SH2D3C: variants seen among roughly 807,000 people sequenced by gnomAD.
The protein encoded by SH2D3C is SH2 domain containing 3C, also known as SH2 domain-containing protein 3C.
A neutral mutation model predicts 75.2 loss-of-function variants in SH2D3C; 25 were observed. The observed-to-expected ratio is 0.33, with a 90% confidence interval of 0.24 to 0.46. The LOEUF is 0.46. Ranked by LOEUF, SH2D3C falls within the 20% of genes least tolerant of loss-of-function variation. The pLI, the probability that SH2D3C is intolerant of heterozygous loss-of-function variation, is 1.00. For synonymous variants in SH2D3C, 450 were observed against 473.7 expected, an observed-to-expected ratio of 0.95 and a Z score of 0.65; for missense variants, 933 against 1,165.3, an observed-to-expected ratio of 0.80 and a Z score of 2.90.
intron 2 of SH2D3C, among the ~76,000 whole-genome samples, chr9:127,766,430 T>C (rs1376340061): frequency 6.6e-6 from 1 of 152,246 alleles, no homozygotes; most frequent in East Asian, 1.9e-4. Context: ...GAGGACCACA[T>C]GAGAAGGAGG....
At chr9:127,762,959 C>T (rs1845564931) in intron 2 of SH2D3C, among the ~76,000 whole-genome samples, 1 of 152,254 alleles carries the variant, frequency 6.6e-6, no homozygotes, top group Non-Finnish European at 1.5e-5. Flanking sequence ...CTCCAACCCA[C>T]AAGGCCCTGT....
chr9:127,761,664 A>G lies in SH2D3C; in HGVS notation c.516-14T>C. ...TCTCCAGCAGCCCTGGAAGGAGAAAAGACAAGTGAGCATCCCCAGCCCTGC... is the reference window on the plus strand; with the variant it reads ...TCTCCAGCAGCCCTGGAAGGAGAAAGGACAAGTGAGCATCCCCAGCCCTGC... On this transcript the variant is annotated splice_polypyrimidine_tract_variant and intron_variant, in intron 2 of 11. Coordinates refer to ENST00000314830, the MANE Select transcript of SH2D3C (RefSeq NM_170600.3). The G allele has an allele frequency of 6.2e-7, 1 of 1,609,406 alleles. No homozygotes were observed. Among genetic ancestry groups the G allele is most frequent in the Non-Finnish European group, 8.5e-7 (1 of 1,177,574 alleles).
At chr9:127,750,155 A>ATTG (rs1411332505) in intron 4 of SH2D3C, among the ~76,000 whole-genome samples, 2 of 142,528 alleles carry the variant, frequency 1.4e-5, no homozygotes, top group East Asian at 2.0e-4. Flanking sequence ...TATTATTATT[A>ATTG]TTGTTATTAT....
intron 2 of SH2D3C, among the ~76,000 whole-genome samples, chr9:127,762,915 G>A (rs1317456763): frequency 6.6e-6 from 1 of 152,190 alleles, no homozygotes; most frequent in Admixed American, 6.5e-5. Flanking sequence ...CCATGATTAT[G>A]CCAGAAAAAC....
At chr9:127,761,119 G>A (rs1458361975) in intron 3 of SH2D3C, among the ~76,000 whole-genome samples, 1 of 152,198 alleles carries the variant, frequency 6.6e-6, no homozygotes, top group Non-Finnish European at 1.5e-5. Context: ...GGGATTACAA[G>A]CATGAGCCAC....
chr9:127,739,829 C>A lies in SH2D3C; in HGVS notation c.2260G>T (p.Glu754Ter). 6.3e-7 allele frequency: 1 copy of A among 1,581,082 alleles called. No homozygotes were observed. ...CCCTCTGGTGGGGCCGAGTCACACTCCAGCAGGGTGATGAGGGGCAGCACA... is the reference window on the plus strand; with the variant it reads ...CCCTCTGGTGGGGCCGAGTCACACTACAGCAGGGTGATGAGGGGCAGCACA... ...PHVLPLITLLECDSAPPEGPE... is the reference protein window; with the variant it reads ...PHVLPLITLL Residue 754 changes from glutamate (E) to a stop codon, truncating the protein, a stop_gained, in exon 11 of 12, where the codon GAG becomes TAG. Coordinates refer to ENST00000314830, the MANE Select transcript of SH2D3C (RefSeq NM_170600.3). LOFTEE classifies it high-confidence loss of function. The surrounding 1 kb of genome is among the most constrained non-coding windows in gnomAD (Gnocchi z 4.3).
Position 127,771,307 on chromosome 9 carries a change from T to G in SH2D3C, c.515+2683A>C, listed in dbSNP as rs547216176. Reference sequence around the variant, plus strand: ...TCCTGCCTTTCTCGGGCCACTGAGCTGCAGAGCTCAGTGCCGGACTCCGGG... The same window carrying G: ...TCCTGCCTTTCTCGGGCCACTGAGCGGCAGAGCTCAGTGCCGGACTCCGGG... On this transcript the variant is annotated intron_variant, in intron 2 of 11. Coordinates refer to ENST00000314830, the MANE Select transcript of SH2D3C (RefSeq NM_170600.3). 104 of 1,479,692 alleles carry G rather than the reference T, an allele frequency of 7.0e-5. No individual in the cohort carries two copies. In the African/African-American group the frequency reaches 1.1e-3, roughly 16 times the overall value. 91.7% of individuals were successfully genotyped at this position (1,479,692 alleles called of 1,614,324 possible).
chr9:127,752,298 C>T (rs1001586987), intron 3 of SH2D3C, among the ~76,000 whole-genome samples: 6 of 152,142 alleles, frequency 3.9e-5, no homozygotes, highest in Non-Finnish European at 8.8e-5. Flanking sequence ...ACAGAACCTG[C>T]CTCACCTCAC....
intron 7 of SH2D3C, 95 bp downstream of exon 7, chr9:127,744,469 C>A: frequency 6.9e-7 from 1 of 1,453,090 alleles, no homozygotes; most frequent in African/African-American, 1.4e-5. Flanking sequence ...CCAGGCCCAC[C>A]TGCTGTACTT....
intron 2 of SH2D3C, chr9:127,771,152 G>T (rs1193944319): frequency 2.0e-6 from 3 of 1,494,144 alleles, no homozygotes; most frequent in Non-Finnish European, 1.8e-6. Flanking sequence ...CCTGCTCCCC[G>T]CTGGCCCTCC....
intron 3 of SH2D3C, among the ~76,000 whole-genome samples, chr9:127,753,391 A>C (rs59887372): frequency 0.034 from 5,193 of 152,142 alleles, 290 homozygotes; most frequent in African/African-American, 0.11. Flanking sequence ...CTGGGGCAGG[A>C]GCAGCTTGGT....
chr9:127,756,845 C>T (rs939758037), intron 3 of SH2D3C, among the ~76,000 whole-genome samples: 2 of 151,604 alleles, frequency 1.3e-5, no homozygotes, highest in Admixed American at 6.6e-5. Flanking sequence ...AGGGTTTCAC[C>T]GTGGTCTCGA....
rs759824989 is a variant in SH2D3C, at chr9:127,744,838, G to A, written c.1526C>T (p.Ala509Val). The change falls in exon 7 of 12, where the codon GCA becomes GTA. Residue 509 changes from alanine (A) to valine (V), a missense_variant. Physicochemically the swap from Ala to Val is moderately conservative, Grantham distance 64 (BLOSUM62 0). Transcript: ENST00000314830. ...CTGCTGGCTGGAGGTCTCAGTCGCT[G>A]CCCACTCTCGGCTGCCACGCACGGG... The part of the protein sequence containing the change: ...QPPVRGSREW[A>V]ATETSSQQAR... 1.4e-5 allele frequency: 23 copies of A among 1,614,048 alleles called. No homozygotes were observed. The highest frequency in any genetic ancestry group is 1.6e-5 in the Non-Finnish European group (19 of 1,180,030).
chr9:127,742,951 A>G lies in SH2D3C; in HGVS notation c.1814T>C (p.Leu605Pro), dbSNP rs1485564826. ...TKVDCLVARI[L>P]GVTKEMQTLM... is the part of the protein sequence containing the mutation. ...GGTCTGCATCTCCTTGGTAACGCCC[A>G]GTATCCTAGCAACCTGCAAAGACGC... Residue 605 changes from leucine (L) to proline (P), a missense_variant, in exon 8 of 12, where the codon CTG (leucine) becomes CCG (proline). Leu to Pro is a moderately conservative substitution (Grantham distance 98, BLOSUM62 -3). Transcript: ENST00000314830. 1.2e-6 allele frequency: 2 copies of G among 1,613,384 alleles called. No homozygotes were observed. Among genetic ancestry groups the G allele is most frequent in the Non-Finnish European group, 1.7e-6 (2 of 1,179,594 alleles).
rs1564414827 is a variant in SH2D3C at position 127,749,476 on chromosome 9, G to A, written c.874C>T (p.His292Tyr). 1 of 1,614,180 alleles carries A rather than the reference G, an allele frequency of 6.2e-7. No individual in the cohort carries two copies. Among genetic ancestry groups the A allele is most frequent in the African/African-American group, 1.3e-5 (1 of 75,054 alleles). ...QYLFEQESFD[H>Y]VPALVRYHVG... Reference sequence around the variant, plus strand: ...TGATAGCGCACGAGGGCGGGCACGTGGTCAAAGCTCTCCTGCTCAAACAGG... The same window carrying A: ...TGATAGCGCACGAGGGCGGGCACGTAGTCAAAGCTCTCCTGCTCAAACAGG... Residue 292 changes from histidine to tyrosine, a missense_variant, in exon 5 of 12, where the codon CAC becomes TAC. By Grantham distance (83) the His-to-Tyr change is moderately conservative. Coordinates refer to ENST00000314830, the MANE Select transcript of SH2D3C (RefSeq NM_170600.3). The surrounding 1 kb of genome is among the most constrained non-coding windows in gnomAD (Gnocchi z 5.9).
Position 127,774,254 on chromosome 9 carries a change from C to T in SH2D3C, c.251G>A (p.Ser84Asn). The T allele has an allele frequency of 6.2e-7, 1 of 1,614,036 alleles. No individual in the cohort carries two copies. Among genetic ancestry groups the T allele is most frequent in the Non-Finnish European group, 8.5e-7 (1 of 1,179,974 alleles). ...YSHMGTMPRP[S>N]IKKAQNSQAA... ...CTGTGAGTTCTGTGCTTTCTTGATG[C>T]TGGGGCGAGGCATGGTGCCCATGTG... The change falls in exon 2 of 12, where the codon AGC (serine) becomes AAC (asparagine). Residue 84 changes from serine (S) to asparagine (N), a missense_variant. By Grantham distance (46) the Ser-to-Asn change is conservative (BLOSUM62 1). Coordinates refer to ENST00000314830, the MANE Select transcript of SH2D3C (RefSeq NM_170600.3). The surrounding 1 kb of genome is among the most constrained non-coding windows in gnomAD (Gnocchi z 4.3).
intron 1 of SH2D3C, among the ~76,000 whole-genome samples, chr9:127,777,076 G>A (rs1335633352): frequency 6.6e-6 from 1 of 152,180 alleles, no homozygotes; most frequent in Non-Finnish European, 1.5e-5. Context: ...TCAATAGCCC[G>A]TGTGACCTCA....
Position 127,739,645 on chromosome 9 carries a change from G to A in SH2D3C, c.2407+37C>T, listed in dbSNP as rs1337553691. On this transcript the variant is annotated intron_variant, in intron 11 of 11. Transcript: ENST00000314830. The surrounding 1 kb of genome is among the most constrained non-coding windows in gnomAD (Gnocchi z 4.3). ...AGTGAGGCAGGTGGAGGGAGGCCCA[G>A]GCCTGCAAGCCCCCCAAGATGCCAC... is the stretch of plus-strand genomic sequence containing the variant. 6.4e-7 allele frequency: 1 copy of A among 1,567,170 alleles called. No individual in the cohort carries two copies. The highest frequency in any genetic ancestry group is 2.3e-5 in the East Asian group (1 of 43,902).
In SH2D3C at chr9:127,744,687, C is replaced by A. The variant is rs773440667; in HGVS notation, c.1677G>T (p.Gln559His). 6.2e-7 allele frequency: 1 copy of A among 1,614,236 alleles called. No homozygotes were observed. The highest frequency in any genetic ancestry group is 1.3e-5 in the African/African-American group (1 of 75,070). Residue 559 changes from glutamine (Q) to histidine (H), a missense_variant, in exon 7 of 12, where the codon CAG (glutamine) becomes CAT (histidine). By Grantham distance (24) the Gln-to-His change is conservative. Transcript: ENST00000314830. Reference protein sequence around the residue: ...VTSSFNPATFQSLLIPRDNRP... With the variant: ...VTSSFNPATFHSLLIPRDNRP... ...GGTTATCCCTGGGGATCAGTAGTGA[C>A]TGGAAGGTGGCCGGGTTGAAGGAAG...
Sources: gnomAD v4.1 joint callset for allele counts (sites outside exome capture counted in the v4.1 genomes callset) on GRCh38, gnomAD v4.1.1 for gene constraint, Gnocchi (gnomAD v3.1) non-coding constraint, MANE v1.5 for transcripts, NCBI Gene and HGNC (gene_info 2026-07-23, HGNC 2026-07-21) for gene names.